Variants in PAX5 observed in about 807,000 individuals in gnomAD.
PAX5 encodes the protein paired box protein Pax-5.
PAX5 carries 9 observed loss-of-function variants against 43.7 expected under a neutral mutation model. That is an observed-to-expected ratio of 0.21 (90% CI 0.12 to 0.36). The LOEUF is 0.36. Ranked by LOEUF, PAX5 falls within the 10% of genes least tolerant of loss-of-function variation. PAX5 has a pLI of 1.00. For missense variants in PAX5, 383 were observed against 532.7 expected (o/e 0.72, Z 2.77); for synonymous variants, 228 against 214.3 (o/e 1.06, Z -0.56).
At chr9:36,962,498 A>G (rs1256894330) in intron 6 of PAX5, among the ~76,000 whole-genome samples, 4 of 152,214 alleles carry the variant, frequency 2.6e-5, no homozygotes, top group African/African-American at 4.8e-5. Flanking sequence ...CGGGGGTCCA[A>G]TGAGAGGATG....
intron 8 of PAX5, among the ~76,000 whole-genome samples, chr9:36,869,219 T>A (rs1217084293): frequency 6.6e-6 from 1 of 152,142 alleles, no homozygotes; most frequent in Non-Finnish European, 1.5e-5. Flanking sequence ...GGAGTCAAAC[T>A]CTGACAGCCC....
At position 37,015,731 on chromosome 9, in the gene PAX5, C is replaced by T. The variant is rs557806144; in HGVS notation, c.213-537G>A. On this transcript the variant is annotated intron_variant, in intron 2 of 9. Coordinates refer to ENST00000358127, the MANE Select transcript of PAX5 (RefSeq NM_016734.3). The surrounding 1 kb of genome is among the most constrained non-coding windows in gnomAD (Gnocchi z 4.4). ...AGTAGCTGGGATTACAGGCATGTGC[C>T]ACCATGCCCAGCTAATTTTGTATTT... is the stretch of plus-strand genomic sequence containing the variant. 5.3e-5 allele frequency among the ~76,000 whole-genome samples: 8 copies of T among 152,238 alleles called. No individual in the cohort carries two copies. The highest frequency in any genetic ancestry group is 3.4e-3 in the Middle Eastern group (1 of 294).
chr9:36,935,989 C>T (rs991941305), intron 6 of PAX5, among the ~76,000 whole-genome samples: 89 of 152,222 alleles, frequency 5.8e-4, no homozygotes, highest in African/African-American at 2.1e-3. Context: ...CTTCTGCTTT[C>T]CTGGTAGCCT....
At chr9:37,012,588 C>G (rs559015244) in intron 3 of PAX5, among the ~76,000 whole-genome samples, 6 of 152,220 alleles carry the variant, frequency 3.9e-5, no homozygotes, top group Admixed American at 2.0e-4. Context: ...TCAGCGGGCC[C>G]GTGATCTCTC....
intron 3 of PAX5, among the ~76,000 whole-genome samples, chr9:37,008,642 C>A (rs182612826): frequency 1.1e-4 from 16 of 152,190 alleles, no homozygotes; most frequent in African/African-American, 3.9e-4. Flanking sequence ...TATAGTCTCA[C>A]CACACACACA....
intron 5 of PAX5, among the ~76,000 whole-genome samples, chr9:36,997,963 AAGTCACAG>A (rs1837533098): frequency 6.6e-6 from 1 of 152,174 alleles, no homozygotes; most frequent in Non-Finnish European, 1.5e-5. Context: ...CCTGCCTCAA[AAGTCACAG>A]AGTCCGAACC....
chr9:36,993,206 C>T (rs970080083), intron 5 of PAX5, among the ~76,000 whole-genome samples: 8 of 152,210 alleles, frequency 5.3e-5, no homozygotes, highest in Non-Finnish European at 1.0e-4. Context: ...AACTGTAAGC[C>T]AATGCCATTC....
chr9:37,021,660 G>A (rs554925768), intron 1 of PAX5, among the ~76,000 whole-genome samples: 6 of 152,182 alleles, frequency 3.9e-5, no homozygotes, highest in East Asian at 1.9e-4. Flanking sequence ...AAAGGAGCCC[G>A]AGAAAGTGCC....
At chr9:36,848,447 TTC>T (rs1218053309) in intron 8 of PAX5, among the ~76,000 whole-genome samples, 2 of 151,214 alleles carry the variant, frequency 1.3e-5, no homozygotes, top group African/African-American at 4.9e-5. Context: ...AGCCTTCCAA[TTC>T]TCTGTTTTTT....
chr9:36,963,085 G>T (rs1332893317), intron 6 of PAX5, among the ~76,000 whole-genome samples: 2 of 152,256 alleles, frequency 1.3e-5, no homozygotes, highest in African/African-American at 4.8e-5. Flanking sequence ...ATAGTCCAGT[G>T]CCTGTGTGTG....
intron 1 of PAX5, among the ~76,000 whole-genome samples, chr9:37,031,382 A>G (rs1840967995): frequency 2.6e-5 from 4 of 152,182 alleles, no homozygotes; most frequent in Admixed American, 1.3e-4. Context: ...GATGGGGGTT[A>G]TTAATATCTA....
At chr9:36,986,122 C>T (rs1483619012) in intron 5 of PAX5, among the ~76,000 whole-genome samples, 1 of 151,882 alleles carries the variant, frequency 6.6e-6, no homozygotes, top group Non-Finnish European at 1.5e-5. Flanking sequence ...ATCTGCTCCG[C>T]TGCCCAGCTC....
At chr9:36,855,602 C>T (rs1444313964) in intron 8 of PAX5, among the ~76,000 whole-genome samples, 2 of 152,136 alleles carry the variant, frequency 1.3e-5, no homozygotes, top group Non-Finnish European at 2.9e-5. Flanking sequence ...GCTGGGAGTG[C>T]CCACAGGTAG....
intron 8 of PAX5, among the ~76,000 whole-genome samples, chr9:36,857,603 G>C (rs1336857266): frequency 1.3e-5 from 2 of 152,188 alleles, no homozygotes; most frequent in African/African-American, 4.8e-5. Flanking sequence ...GCTGCAATGT[G>C]GGCTTGAGGA....
rs776721598 is a variant in PAX5, at chr9:37,020,767, A to G, written c.81T>C (p.Phe27=). 2 of 1,613,840 alleles carry G rather than the reference A, an allele frequency of 1.2e-6. No individual in the cohort carries two copies. The highest frequency in any genetic ancestry group is 1.3e-5 in the African/African-American group (1 of 74,894). The change falls in exon 2 of 10, where the codon TTT becomes TTC. Residue 27 remains phenylalanine, a synonymous_variant. Coordinates refer to ENST00000358127, the MANE Select transcript of PAX5 (RefSeq NM_016734.3). ...CATCCGGGAGTGGCCGTCCATTCAC[A>G]AAAACCCCCCCAAGCTGATTCACTC... ...HGGVNQLGGV[F]VNGRPLPDVV...
chr9:36,960,797 C>A (rs1406716235), intron 6 of PAX5, among the ~76,000 whole-genome samples: 2 of 152,220 alleles, frequency 1.3e-5, no homozygotes, highest in Non-Finnish European at 2.9e-5. Context: ...ACCATCCAGG[C>A]CCCCTTGCAG....
intron 7 of PAX5, among the ~76,000 whole-genome samples, chr9:36,902,408 A>C (rs890697499): frequency 6.6e-6 from 1 of 152,242 alleles, no homozygotes; most frequent in East Asian, 1.9e-4. Flanking sequence ...TGAGCACCTC[A>C]AAAAGGGAGG....
chr9:36,952,114 C>T (rs1252178751), intron 6 of PAX5, among the ~76,000 whole-genome samples: 4 of 151,150 alleles, frequency 2.6e-5, no homozygotes, highest in Non-Finnish European at 5.9e-5. Context: ...GTTCATTTAT[C>T]TATGTATTTG....
At position 36,840,654 on chromosome 9, in the gene PAX5, G is replaced by A. The variant is rs574433911; in HGVS notation, c.1100-18C>T. 2.0e-6 allele frequency: 3 copies of A among 1,514,056 alleles called. No homozygotes were observed. The highest frequency in any genetic ancestry group is 2.7e-6 in the Non-Finnish European group (3 of 1,113,814). 93.8% of individuals were successfully genotyped at this position (1,514,056 alleles called of 1,614,324 possible). Reference sequence around the variant, plus strand: ...GGGGGAGCCTGGAAGAGACGGGAGAGAGCACCGAGGTCAGATCCGGGGTCC... The same window carrying A: ...GGGGGAGCCTGGAAGAGACGGGAGAAAGCACCGAGGTCAGATCCGGGGTCC... On this transcript the variant is annotated intron_variant, in intron 9 of 9. Coordinates refer to ENST00000358127, the MANE Select transcript of PAX5 (RefSeq NM_016734.3).
Sources: allele counts gnomAD v4.1 joint callset (sites outside exome capture counted in the v4.1 genomes callset), GRCh38; gene constraint gnomAD v4.1.1; non-coding constraint Gnocchi (gnomAD v3.1); transcripts MANE v1.5; gene names NCBI Gene and HGNC (gene_info 2026-07-23, HGNC 2026-07-21).